The following NBAS variants were observed in gnomAD, a reference collection of about 807,000 sequenced individuals.
NBAS encodes NBAS subunit of NRZ tethering complex, also known as NAG/BC035112 fusion.
NBAS carries 219 observed loss-of-function variants against 302.5 expected under a neutral mutation model. That is an observed-to-expected ratio of 0.72 (90% CI 0.65 to 0.81). The LOEUF (loss-of-function observed/expected upper bound fraction) is 0.81, where lower values mean the gene tolerates loss of function less well. Ranked by LOEUF, NBAS falls within the 30% of genes least tolerant of loss-of-function variation. NBAS has a pLI of 0.00. For synonymous variants in NBAS, 1,118 were observed against 1,021.6 expected, an observed-to-expected ratio of 1.09 and a Z score of -1.80; for missense variants, 2,932 against 2,841.6, an observed-to-expected ratio of 1.03 and a Z score of -0.72.
chr2:15,083,763 G>A, the NBAS span, among the ~76,000 whole-genome samples: 19 of 152,202 alleles, frequency 1.2e-4, no homozygotes, highest in Admixed American at 2.0e-4. Flanking sequence ...ACCAGCCTGT[G>A]TAACAAGAGG....
intron 16 of NBAS, among the ~76,000 whole-genome samples, chr2:15,470,131 A>G (rs1332925474): frequency 6.6e-6 from 1 of 152,068 alleles, no homozygotes; most frequent in African/African-American, 2.4e-5. Context: ...CTTTCTTCAA[A>G]TGTCTCTTAA....
At chr2:14,794,182 A>G in the NBAS span, among the ~76,000 whole-genome samples, 4 of 152,174 alleles carry the variant, frequency 2.6e-5, no homozygotes, top group African/African-American at 7.2e-5. Flanking sequence ...TCCACTCTCA[A>G]TATCCTGCCA....
At chr2:15,527,346 C>T (rs1662959296) in intron 9 of NBAS, among the ~76,000 whole-genome samples, 1 of 152,200 alleles carries the variant, frequency 6.6e-6, no homozygotes, top group Non-Finnish European at 1.5e-5. Flanking sequence ...GATATGTGAC[C>T]ATCTGTTTGT....
chr2:14,874,647 GAA>G, the NBAS span, among the ~76,000 whole-genome samples: 1,329 of 100,162 alleles, frequency 0.013, 25 homozygotes, highest in African/African-American at 0.045. Context: ...CTCAAAAAAA[GAA>G]AAAAAAAAAA....
the NBAS span, among the ~76,000 whole-genome samples, chr2:15,138,021 C>A: frequency 6.6e-6 from 1 of 152,106 alleles, no homozygotes; most frequent in Non-Finnish European, 1.5e-5. Context: ...CAACAGCACT[C>A]CCCATTTTCC....
chr2:15,195,414 T>C (rs928457768), intron 48 of NBAS, among the ~76,000 whole-genome samples: 5 of 152,208 alleles, frequency 3.3e-5, no homozygotes, highest in Admixed American at 2.6e-4. Flanking sequence ...ATTTTTGATA[T>C]GACACTCTGA....
At chr2:15,247,891 C>A (rs960007031) in intron 44 of NBAS, among the ~76,000 whole-genome samples, 2 of 151,908 alleles carry the variant, frequency 1.3e-5, no homozygotes, top group African/African-American at 4.8e-5. Flanking sequence ...AATATTAGAT[C>A]AACGAGAAAG....
chr2:15,029,480 T>C, the NBAS span, among the ~76,000 whole-genome samples: 1 of 151,874 alleles, frequency 6.6e-6, no homozygotes, highest in Non-Finnish European at 1.5e-5. Flanking sequence ...GGGGGGAAAA[T>C]GAGGTAAAAT....
chr2:15,158,694 C>A, the NBAS span, among the ~76,000 whole-genome samples: 1 of 152,178 alleles, frequency 6.6e-6, no homozygotes, highest in African/African-American at 2.4e-5. Flanking sequence ...AGGTGGGGCT[C>A]GACTTTCCTC....
chr2:14,785,950 C>T, the NBAS span, among the ~76,000 whole-genome samples: 1 of 152,182 alleles, frequency 6.6e-6, no homozygotes, highest in African/African-American at 2.4e-5. Context: ...CCATCTGGTC[C>T]TGGACTCTAT....
chr2:15,256,400 C>A (rs376188073), intron 44 of NBAS, among the ~76,000 whole-genome samples: 1 of 152,154 alleles, frequency 6.6e-6, no homozygotes, highest in South Asian at 2.1e-4. Context: ...GATTTGTGTA[C>A]ACTGAGACTT....
chr2:15,322,452 C>T (rs150323310), intron 38 of NBAS, among the ~76,000 whole-genome samples: 96 of 152,016 alleles, frequency 6.3e-4, no homozygotes, highest in African/African-American at 1.1e-3. Flanking sequence ...AGCCTTCAAG[C>T]GCTAATTCTG....
At chr2:15,511,063 GAAAT>G in intron 10 of NBAS, 145 bp downstream of exon 10, 1 of 1,025,448 alleles carries the variant, frequency 9.8e-7, no homozygotes, top group Non-Finnish European at 1.4e-6. Context: ...TTATTTGAAA[GAAAT>G]AAAATTATAC....
chr2:15,016,757 T>A, the NBAS span, among the ~76,000 whole-genome samples: 1 of 152,296 alleles, frequency 6.6e-6, no homozygotes, highest in African/African-American at 2.4e-5. Context: ...GACATCATGG[T>A]ACTGGCATAA....
chr2:14,841,251 A>T, the NBAS span, among the ~76,000 whole-genome samples: 1 of 151,906 alleles, frequency 6.6e-6, no homozygotes, highest in Non-Finnish European at 1.5e-5. Context: ...ACTTAATCAC[A>T]AAGGAAGACA....
chr2:15,262,376 G>GA (rs1361681542), intron 44 of NBAS, among the ~76,000 whole-genome samples: 22 of 152,248 alleles, frequency 1.4e-4, no homozygotes, highest in African/African-American at 5.3e-4. Context: ...TCACTTACAA[G>GA]AGCCAGTAAA....
chr2:15,400,242 A>G (rs550038663), intron 26 of NBAS, among the ~76,000 whole-genome samples: 1 of 152,256 alleles, frequency 6.6e-6, no homozygotes, highest in Admixed American at 6.5e-5. Flanking sequence ...GACAGAGAAA[A>G]AAAAAAACAT....
chr2:15,352,546 C>T (rs564667594), intron 34 of NBAS, among the ~76,000 whole-genome samples: 9 of 152,256 alleles, frequency 5.9e-5, no homozygotes, highest in African/African-American at 2.2e-4. Flanking sequence ...TGGCTTAGAG[C>T]TTTACATCCT....
intron 11 of NBAS, among the ~76,000 whole-genome samples, chr2:15,495,966 C>A (rs1221287957): frequency 6.6e-6 from 1 of 152,026 alleles, no homozygotes; most frequent in Non-Finnish European, 1.5e-5. Flanking sequence ...AAAGAACTTG[C>A]ACACAAATGT....
Sources: allele counts gnomAD v4.1 joint callset (sites outside exome capture counted in the v4.1 genomes callset), GRCh38; gene constraint gnomAD v4.1.1; transcripts MANE v1.5; gene names NCBI Gene and HGNC (gene_info 2026-07-23, HGNC 2026-07-21).